The following STOX2 variants were observed in gnomAD, a reference collection of about 807,000 sequenced individuals.
STOX2 encodes storkhead box 2, also known as storkhead-box protein 2.
In STOX2, 28 loss-of-function variants were observed where a neutral mutation model predicts 60.9. The ratio of observed to expected loss-of-function variants is 0.46; its 90% confidence interval spans 0.34 to 0.63. STOX2 has a LOEUF of 0.63. Among genes scored for constraint, STOX2 ranks in the 30% least tolerant of loss-of-function variants. The pLI is 0.01. For missense variants in STOX2, 1,024 were observed against 1,187.7 expected (o/e 0.86, Z 2.03); for synonymous variants, 472 against 463.9 (o/e 1.02, Z -0.22).
chr4:183,887,268 G>A (rs199783202), intron 1 of STOX2, among the ~76,000 whole-genome samples: 6 of 150,088 alleles, frequency 4.0e-5, no homozygotes, highest in Non-Finnish European at 3.0e-5. Context: ...CCGCCTGAAA[G>A]AAAAAAAAAA....
At position 183,911,551 on chromosome 4, in the gene STOX2, G is replaced by A. The variant is rs941935692; in HGVS notation, c.166+4595G>A. 9.2e-5 allele frequency among the ~76,000 whole-genome samples: 14 copies of A among 152,246 alleles called. No homozygotes were observed. The South Asian group carries it at 2.7e-3, about 29-fold the overall frequency. On this transcript the variant is annotated intron_variant, in intron 1 of 3. Coordinates refer to ENST00000308497, the MANE Select transcript of STOX2 (RefSeq NM_020225.3). ...TTATTTCCCAGGAGAACATGAGTGG[G>A]CTTACAAAAGGTCACCTCTCTTGAT...
chr4:184,020,556 C>T lies in STOX2; in HGVS notation c.*3272C>T, dbSNP rs1355739720. The stretch of plus-strand genomic sequence containing the variant: ...GGCTCTGCCTTCACTCGCATGCTAC[C>T]ATGTCGAGCCCAAACTCCACTTTAA... On this transcript the variant is annotated 3_prime_UTR_variant, in exon 4 of 4. Transcript: ENST00000308497. 6.6e-6 allele frequency: 1 copy of T among 152,224 alleles called. No individual in the cohort carries two copies. Among genetic ancestry groups the T allele is most frequent in the East Asian group, 1.9e-4 (1 of 5,186 alleles). 9.4% of individuals were successfully genotyped at this position (152,224 alleles called of 1,614,324 possible).
At chr4:183,870,425 A>G (rs55758355) in intron 1 of STOX2, among the ~76,000 whole-genome samples, 21,784 of 152,184 alleles carry the variant, frequency 0.14, 1,995 homozygotes, top group African/African-American at 0.25. Context: ...CCAGTAGTAT[A>G]TTAATAGCCT....
chr4:183,861,411 A>G (rs1740442191), intron 1 of STOX2, among the ~76,000 whole-genome samples: 1 of 152,148 alleles, frequency 6.6e-6, no homozygotes, highest in Non-Finnish European at 1.5e-5. Flanking sequence ...GTTCATAGAT[A>G]CCCAGGAAGA....
rs1740549962 is a variant in STOX2 at position 183,865,801 on chromosome 4, A to G, written c.364+67746A>G. Among the ~76,000 whole-genome samples, 1 of 152,226 alleles carries G rather than the reference A, an allele frequency of 6.6e-6. No homozygotes were observed. The highest frequency in any genetic ancestry group is 2.1e-4 in the South Asian group (1 of 4,830). On this transcript the variant is annotated intron_variant, in intron 1 of 2. Coordinates refer to the STOX2 transcript ENST00000513034. This position sits in a 1 kb window ranked among gnomAD's most constrained non-coding sequence, Gnocchi z 4.1. The stretch of plus-strand genomic sequence containing the variant: ...AAAACCCTGGTTGTAGGTTGCATGG[A>G]GAAGTCTTGTGGAGACAAAGACAGA...
chr4:183,905,435 C>G lies in STOX2; in HGVS notation c.-1356C>G, dbSNP rs924213171. The stretch of plus-strand genomic sequence containing the variant: ...GCGCTGCAGGCCACTTGCATTGCGT[C>G]TTCCAGGCTGCGTGGACCCGGCGCC... On this transcript the variant is annotated 5_prime_UTR_variant, in exon 1 of 4. Transcript: ENST00000308497. The G allele has an allele frequency of 5.9e-5, 9 of 152,344 alleles. No homozygotes were observed. Among genetic ancestry groups the G allele is most frequent in the Non-Finnish European group, 1.2e-4 (8 of 68,140 alleles). The allele number at this position is 152,344 out of a possible 1,614,324, so 9.4% of individuals were successfully genotyped here. A position where few individuals can be genotyped will look rare whatever the true frequency, so the allele number is the denominator to read the frequency against.
At chr4:183,818,304 G>C (rs913011702) in intron 1 of STOX2, among the ~76,000 whole-genome samples, 3 of 151,886 alleles carry the variant, frequency 2.0e-5, no homozygotes, top group African/African-American at 7.3e-5. Context: ...GACTCTTAAC[G>C]AGCATGCTGC....
At chr4:183,976,065 C>G (rs779304864) in intron 1 of STOX2, among the ~76,000 whole-genome samples, 23 of 152,338 alleles carry the variant, frequency 1.5e-4, no homozygotes, top group African/African-American at 2.9e-4. Context: ...GTAATCCCAG[C>G]ACTTTGGGAG....
intron 1 of STOX2, among the ~76,000 whole-genome samples, chr4:183,809,317 T>G (rs1192938840): frequency 6.6e-6 from 1 of 152,190 alleles, no homozygotes; most frequent in Non-Finnish European, 1.5e-5. Context: ...CTCGAACTCT[T>G]CCTCAAGTGA....
Position 184,011,422 on chromosome 4 carries a change from C to T in STOX2, c.2584C>T (p.Arg862Cys), listed in dbSNP as rs201760642. ...AGTGGACAGTGGATTCAACTCCCCA[C>T]GGTAGGGAGAGGTGTCTCTGTGCAC... ...ITVDSGFNSP[R>C]TRESLASNTS... The change falls in exon 3 of 4, where the codon CGT becomes TGT. Residue 862 changes from arginine to cysteine, a missense_variant and splice_region_variant. Arg to Cys is a radical substitution (Grantham distance 180, BLOSUM62 -3). Coordinates refer to ENST00000308497, the MANE Select transcript of STOX2 (RefSeq NM_020225.3). The surrounding 1 kb of genome is among the most constrained non-coding windows in gnomAD (Gnocchi z 4.4). 857 of 1,608,340 alleles carry T rather than the reference C, an allele frequency of 5.3e-4. 2 individuals carry two copies. The highest frequency in any genetic ancestry group is 6.5e-4 in the Non-Finnish European group (766 of 1,177,072).
chr4:183,899,873 T>C (rs182434661), intron 1 of STOX2, among the ~76,000 whole-genome samples: 1 of 152,204 alleles, frequency 6.6e-6, no homozygotes, highest in Non-Finnish European at 1.5e-5. Context: ...AGGACTTTCA[T>C]AGGTAGAGAG....
intron 1 of STOX2, among the ~76,000 whole-genome samples, chr4:183,912,079 A>C (rs570231471): frequency 2.0e-5 from 3 of 152,092 alleles, no homozygotes; most frequent in Non-Finnish European, 4.4e-5. Context: ...AGAAGATTCT[A>C]TTTGTTCCTC....
intron 1 of STOX2, among the ~76,000 whole-genome samples, chr4:183,833,068 C>T (rs1235826436): frequency 6.6e-6 from 1 of 152,202 alleles, no homozygotes; most frequent in Non-Finnish European, 1.5e-5. Context: ...CGATGGTCTA[C>T]CTGAAATTTC....
chr4:183,938,016 G>A (rs56350446), intron 1 of STOX2, among the ~76,000 whole-genome samples: 2,807 of 152,162 alleles, frequency 0.018, 108 homozygotes, highest in African/African-American at 0.064. Flanking sequence ...AGATGTGGGG[G>A]TGTGTGCCTG....
chr4:183,826,708 C>T (rs1452214676), intron 1 of STOX2, among the ~76,000 whole-genome samples: 1 of 152,198 alleles, frequency 6.6e-6, no homozygotes, highest in African/African-American at 2.4e-5. Flanking sequence ...TTTGCGGAGG[C>T]TTAAGTGGGA....
rs796294386 is a variant in STOX2, at chr4:183,814,864, TTA to T, written c.364+16810_364+16811del. 3.9e-5 allele frequency among the ~76,000 whole-genome samples: 6 copies of T among 152,358 alleles called. 1 individual carries two copies. Among genetic ancestry groups the T allele is most frequent in the African/African-American group, 1.4e-4 (6 of 41,586 alleles). On this transcript the variant is annotated intron_variant, in intron 1 of 2. Coordinates refer to the STOX2 transcript ENST00000513034. ...ATTTGGGTTAGAGAACTAAGTGATT[TTA>T]GTCTTTTTTCTTCATTTTCAGATTT... is the stretch of plus-strand genomic sequence containing the variant.
chr4:183,859,235 GTGTCACATGC>G (rs899921475), intron 1 of STOX2, among the ~76,000 whole-genome samples: 1 of 152,168 alleles, frequency 6.6e-6, no homozygotes, highest in African/African-American at 2.4e-5. Flanking sequence ...GTGTTGTAGG[GTGTCACATGC>G]TGCCAGGTCT....
At chr4:183,976,628 AG>A (rs1204524597) in intron 1 of STOX2, among the ~76,000 whole-genome samples, 1 of 152,198 alleles carries the variant, frequency 6.6e-6, no homozygotes, top group East Asian at 1.9e-4. Flanking sequence ...CCTGGATGAC[AG>A]GATCACTCAT....
intron 1 of STOX2, among the ~76,000 whole-genome samples, chr4:183,998,727 A>C (rs1193583706): frequency 6.6e-6 from 1 of 152,156 alleles, no homozygotes; most frequent in Admixed American, 6.5e-5. Context: ...TTTTTTGTAG[A>C]GATGGGGTCT....
Sources: allele counts gnomAD v4.1 joint callset (sites outside exome capture counted in the v4.1 genomes callset), GRCh38; gene constraint gnomAD v4.1.1; non-coding constraint Gnocchi (gnomAD v3.1); transcripts MANE v1.5; gene names NCBI Gene and HGNC (gene_info 2026-07-23, HGNC 2026-07-21).